Variants in SHISA6 observed in about 807,000 individuals in gnomAD.
SHISA6 encodes the protein shisa family member 6, also known as protein shisa-6.
A neutral mutation model predicts 47.9 loss-of-function variants in SHISA6; 22 were observed. That is an observed-to-expected ratio of 0.46 (90% CI 0.33 to 0.66). The LOEUF (loss-of-function observed/expected upper bound fraction) is 0.66, where lower values mean the gene tolerates loss of function less well. SHISA6 is among the 30% of genes least tolerant of loss of function. SHISA6 has a pLI of 0.02. For synonymous variants in SHISA6, 388 were observed against 337.8 expected, an observed-to-expected ratio of 1.15 and a Z score of -1.63; for missense variants, 680 against 764.6, an observed-to-expected ratio of 0.89 and a Z score of 1.30.
chr17:11,538,502 G>C (rs1323644318), intron 3 of SHISA6, among the ~76,000 whole-genome samples: 1 of 152,210 alleles, frequency 6.6e-6, no homozygotes, highest in East Asian at 1.9e-4. Context: ...CAGTCCGTGT[G>C]AGTCCCTGGC....
intron 3 of SHISA6, among the ~76,000 whole-genome samples, chr17:11,464,772 G>A (rs544925406): frequency 3.3e-5 from 5 of 152,164 alleles, no homozygotes; most frequent in South Asian, 2.1e-4. Flanking sequence ...GTGAAACTCC[G>A]TCTCTACTAA....
At chr17:11,515,539 G>A (rs1038049183) in intron 3 of SHISA6, among the ~76,000 whole-genome samples, 5 of 152,020 alleles carry the variant, frequency 3.3e-5, no homozygotes, top group African/African-American at 1.2e-4. Flanking sequence ...AGAAGGGTGG[G>A]GCAGGGTAGA....
At chr17:11,502,439 A>G (rs2071462755) in intron 3 of SHISA6, among the ~76,000 whole-genome samples, 1 of 144,818 alleles carries the variant, frequency 6.9e-6, no homozygotes, top group Non-Finnish European at 1.5e-5. Flanking sequence ...AAAAGACTAA[A>G]AACATCGGCC....
intron 3 of SHISA6, among the ~76,000 whole-genome samples, chr17:11,381,602 G>A (rs1194922815): frequency 6.6e-6 from 1 of 152,174 alleles, no homozygotes; most frequent in Non-Finnish European, 1.5e-5. Flanking sequence ...TGGAAAGAGA[G>A]AGGATCCAAG....
At chr17:11,411,068 A>T (rs1417786957) in intron 3 of SHISA6, among the ~76,000 whole-genome samples, 1 of 151,926 alleles carries the variant, frequency 6.6e-6, no homozygotes, top group Non-Finnish European at 1.5e-5. Context: ...TCCCAGGTTC[A>T]TGCCATTCTC....
At chr17:11,429,620 TAAAAAAAAAA>T (rs34738346) in intron 3 of SHISA6, among the ~76,000 whole-genome samples, 3 of 121,570 alleles carry the variant, frequency 2.5e-5, no homozygotes, top group Middle Eastern at 7.9e-3. Flanking sequence ...CATCTCTACT[TAAAAAAAAAA>T]AAAAAAAAAA....
intron 2 of SHISA6, among the ~76,000 whole-genome samples, chr17:11,283,640 C>A (rs146197508): frequency 6.6e-6 from 1 of 152,294 alleles, no homozygotes; most frequent in Non-Finnish European, 1.5e-5. Flanking sequence ...TAGCACCATG[C>A]CATATGAACT....
chr17:11,555,630 C>A, intron 4 of SHISA6, 110 bp from the exon 5 acceptor site: 1 of 1,268,342 alleles, frequency 7.9e-7, no homozygotes, highest in Non-Finnish European at 1.1e-6. Flanking sequence ...TGTCCAAGCA[C>A]AGAGGTCCAG....
At chr17:11,512,115 G>A (rs532347984) in intron 3 of SHISA6, among the ~76,000 whole-genome samples, 1 of 152,320 alleles carries the variant, frequency 6.6e-6, no homozygotes, top group East Asian at 1.9e-4. Flanking sequence ...ACAATTTCAT[G>A]TCGGCACCCT....
At chr17:11,303,345 G>A (rs138913748) in intron 2 of SHISA6, among the ~76,000 whole-genome samples, 7 of 152,108 alleles carry the variant, frequency 4.6e-5, no homozygotes, top group African/African-American at 1.2e-4. Flanking sequence ...ATGTGTGGTC[G>A]TGAGTATGGT....
At chr17:11,312,955 C>T (rs1910386910) in intron 2 of SHISA6, among the ~76,000 whole-genome samples, 1 of 152,122 alleles carries the variant, frequency 6.6e-6, no homozygotes, top group Admixed American at 6.5e-5. Context: ...CTCTGTCAAA[C>T]AAACAAACAA....
chr17:11,437,195 A>T (rs1914964340), intron 3 of SHISA6, among the ~76,000 whole-genome samples: 1 of 152,234 alleles, frequency 6.6e-6, no homozygotes, highest in Non-Finnish European at 1.5e-5. Context: ...GAAAGTGTGC[A>T]GAATCTAATT....
intron 1 of SHISA6, among the ~76,000 whole-genome samples, chr17:11,257,676 AAAAAG>A (rs1279721501): frequency 2.3e-3 from 355 of 152,060 alleles, no homozygotes; most frequent in African/African-American, 7.5e-3. Context: ...AAAAAAAGAA[AAAAAG>A]AAAAGAAAAG....
chr17:11,347,522 ATACT>A (rs1404674401), intron 2 of SHISA6, among the ~76,000 whole-genome samples: 2 of 152,188 alleles, frequency 1.3e-5, no homozygotes, highest in Admixed American at 1.3e-4. Context: ...TATCTTATTA[ATACT>A]TAACATTATG....
intron 3 of SHISA6, among the ~76,000 whole-genome samples, chr17:11,472,423 C>T (rs1588724): frequency 0.76 from 115,348 of 151,988 alleles, 44,805 homozygotes; most frequent in African/African-American, 0.94. Flanking sequence ...GGTCTGGAAC[C>T]CTTGGCCTCA....
At chr17:11,315,455 T>C (rs1910477445) in intron 2 of SHISA6, among the ~76,000 whole-genome samples, 1 of 152,116 alleles carries the variant, frequency 6.6e-6, no homozygotes, top group African/African-American at 2.4e-5. Context: ...GATTCCGACC[T>C]CTTTAAAAAA....
intron 2 of SHISA6, among the ~76,000 whole-genome samples, chr17:11,350,077 C>T (rs1225670616): frequency 2.6e-5 from 4 of 151,720 alleles, no homozygotes; most frequent in African/African-American, 7.3e-5. Context: ...TTGTTGAACC[C>T]GCCTCCCAGG....
intron 2 of SHISA6, among the ~76,000 whole-genome samples, chr17:11,366,008 T>C (rs1912439374): frequency 6.6e-6 from 1 of 152,186 alleles, no homozygotes; most frequent in African/African-American, 2.4e-5. Context: ...GTGCAAAGGA[T>C]GTAAGACAGG....
intron 2 of SHISA6, among the ~76,000 whole-genome samples, chr17:11,327,040 C>T (rs757483495): frequency 2.0e-5 from 3 of 152,080 alleles, no homozygotes; most frequent in Non-Finnish European, 4.4e-5. Context: ...TGGGAGGAGC[C>T]GTAGGGTTGG....
Sources: allele counts gnomAD v4.1 joint callset (sites outside exome capture counted in the v4.1 genomes callset), GRCh38; gene constraint gnomAD v4.1.1; transcripts MANE v1.5; gene names NCBI Gene and HGNC (gene_info 2026-07-23, HGNC 2026-07-21).